LTBP1: variants seen among roughly 807,000 people sequenced by gnomAD.
The protein encoded by LTBP1 is latent-transforming growth factor beta-binding protein 1.
In LTBP1, 129 loss-of-function variants were observed where a neutral mutation model predicts 207.6. The observed-to-expected ratio is 0.62, with a 90% CI of 0.54 to 0.72. The LOEUF (loss-of-function observed/expected upper bound fraction) is 0.72, where lower values mean the gene tolerates loss of function less well. LTBP1 is among the 30% of genes least tolerant of loss of function. LTBP1 has a pLI of 0.00. For synonymous variants in LTBP1, 963 were observed against 833.7 expected, an observed-to-expected ratio of 1.16 and a Z score of -2.67; for missense variants, 2,281 against 2,217.2, an observed-to-expected ratio of 1.03 and a Z score of -0.58.
chr2:33,111,304 C>T (rs190926908), intron 4 of LTBP1, among the ~76,000 whole-genome samples: 1 of 152,264 alleles, frequency 6.6e-6, no homozygotes, highest in East Asian at 1.9e-4. Flanking sequence ...AAGGACAAGG[C>T]CTGGCTCAAA....
chr2:33,000,515 G>C (rs1157528386), intron 2 of LTBP1, among the ~76,000 whole-genome samples: 1 of 135,070 alleles, frequency 7.4e-6, no homozygotes, highest in Non-Finnish European at 1.6e-5. Context: ...TATGTAAACT[G>C]CATGCTGTTT....
chr2:33,194,714 A>C (rs2088339555), intron 7 of LTBP1, among the ~76,000 whole-genome samples: 1 of 152,212 alleles, frequency 6.6e-6, no homozygotes, highest in East Asian at 1.9e-4. Flanking sequence ...CTGATGTAGA[A>C]GCTGCAGCAA....
intron 9 of LTBP1, among the ~76,000 whole-genome samples, chr2:33,234,407 G>A (rs995069910): frequency 4.0e-5 from 6 of 151,886 alleles, no homozygotes; most frequent in African/African-American, 1.5e-4. Context: ...CTATAGACAC[G>A]AGCATTCCTA....
chr2:33,173,773 C>T (rs988629453), intron 5 of LTBP1, among the ~76,000 whole-genome samples: 5 of 140,752 alleles, frequency 3.6e-5, no homozygotes, highest in African/African-American at 1.0e-4. Flanking sequence ...ACTGGCAAAC[C>T]GAATCCAGCA....
chr2:33,069,214 A>G (rs1426841953), intron 3 of LTBP1, among the ~76,000 whole-genome samples: 4 of 152,130 alleles, frequency 2.6e-5, no homozygotes, highest in African/African-American at 9.7e-5. Context: ...GCCCCACTCA[A>G]AGCCAGACTT....
At chr2:33,139,003 C>T (rs1047265437) in intron 5 of LTBP1, among the ~76,000 whole-genome samples, 4 of 150,882 alleles carry the variant, frequency 2.7e-5, no homozygotes, top group East Asian at 1.9e-4. Flanking sequence ...GGACTACAGG[C>T]GCCCGCTACC....
At chr2:32,954,470 G>GTGTCT (rs1677718010) in intron 2 of LTBP1, among the ~76,000 whole-genome samples, 2 of 151,926 alleles carry the variant, frequency 1.3e-5, no homozygotes, top group South Asian at 4.2e-4. Context: ...ATTGTCTTGT[G>GTGTCT]TGTGTGTCTG....
At chr2:32,997,416 A>G (rs1410991674) in intron 2 of LTBP1, among the ~76,000 whole-genome samples, 2 of 152,202 alleles carry the variant, frequency 1.3e-5, no homozygotes, top group Non-Finnish European at 2.9e-5. Context: ...AGGCTGAGGC[A>G]GAGGATCACT....
At chr2:33,080,730 T>C (rs1446069988) in intron 3 of LTBP1, among the ~76,000 whole-genome samples, 1 of 152,210 alleles carries the variant, frequency 6.6e-6, no homozygotes, top group Non-Finnish European at 1.5e-5. Flanking sequence ...GAAAAAGTTA[T>C]ACTGGATGCA....
chr2:33,084,678 C>T (rs2078648944), intron 3 of LTBP1, among the ~76,000 whole-genome samples: 1 of 152,192 alleles, frequency 6.6e-6, no homozygotes, highest in African/African-American at 2.4e-5. Context: ...TAAAAAACTC[C>T]TGTGCGCAAA....
At chr2:33,361,745 C>T (rs2094929648) in intron 28 of LTBP1, among the ~76,000 whole-genome samples, 1 of 152,166 alleles carries the variant, frequency 6.6e-6, no homozygotes, top group African/African-American at 2.4e-5. Flanking sequence ...GTTTCTGTCT[C>T]TTCATCCCTG....
intron 3 of LTBP1, among the ~76,000 whole-genome samples, chr2:33,044,772 C>G (rs1374319831): frequency 6.6e-6 from 1 of 152,170 alleles, no homozygotes; most frequent in Non-Finnish European, 1.5e-5. Flanking sequence ...TCTCCAGCAC[C>G]TGTTGTTTCC....
In LTBP1 at chr2:33,212,152, T is replaced by C. The variant is rs949831801; in HGVS notation, c.1702-5400T>C. Reference sequence around the variant, plus strand: ...TAATGATTCTTGAACAGCCTTACCTTCTGCATCACAGTGTTCATACAGATG... The same window carrying C: ...TAATGATTCTTGAACAGCCTTACCTCCTGCATCACAGTGTTCATACAGATG... On this transcript the variant is annotated intron_variant, in intron 7 of 33. Coordinates refer to ENST00000404816, the MANE Select transcript of LTBP1 (RefSeq NM_206943.4). Among the ~76,000 whole-genome samples, 82 of 152,264 alleles carry C rather than the reference T, an allele frequency of 5.4e-4. 1 individual carries two copies. Among genetic ancestry groups the C allele is most frequent in the Non-Finnish European group, 8.2e-4 (56 of 68,052 alleles).
chr2:33,387,787 G>C (rs769231902), intron 31 of LTBP1, among the ~76,000 whole-genome samples: 3 of 150,282 alleles, frequency 2.0e-5, no homozygotes, highest in African/African-American at 4.9e-5. Flanking sequence ...GAAAATTCCA[G>C]GCAAACGTGG....
intron 2 of LTBP1, among the ~76,000 whole-genome samples, chr2:32,961,300 G>T (rs558755605): frequency 6.6e-6 from 1 of 152,334 alleles, no homozygotes; most frequent in East Asian, 1.9e-4. Flanking sequence ...TCAGCAGGGA[G>T]CTGCGAGGCT....
intron 2 of LTBP1, among the ~76,000 whole-genome samples, chr2:32,963,904 C>G (rs1018784461): frequency 2.6e-5 from 4 of 152,138 alleles, no homozygotes; most frequent in Admixed American, 6.5e-5. Flanking sequence ...TACAAGATAT[C>G]AAAAGCGAAG....
At chr2:33,069,089 G>A (rs992807320) in intron 3 of LTBP1, among the ~76,000 whole-genome samples, 6 of 152,180 alleles carry the variant, frequency 3.9e-5, no homozygotes, top group African/African-American at 9.7e-5. Flanking sequence ...CTTACTTAAA[G>A]TTTACTCTTG....
Position 33,020,917 on chromosome 2 carries a change from G to C in LTBP1, c.574G>C (p.Val192Leu). The change falls in exon 3 of 34, where the codon GTT (valine) becomes CTT (leucine). Residue 192 changes from valine (V) to leucine (L), a missense_variant. Val to Leu is a conservative substitution (Grantham distance 32). Around this residue, in one of 3 missense-constraint regions of LTBP1, gnomAD observed 555 missense variants for 491.0 expected, o/e 1.13. Transcript: ENST00000404816. The stretch of plus-strand genomic sequence containing the variant: ...CTGTTTTCTTTCTGCAGCTAGCTGT[G>C]TTCCGCCATGTCAGAATGGAGGGAT... ...GSQRCTKPSC[V>L]PPCQNGGMCL... is the part of the protein sequence containing the mutation. The C allele has an allele frequency of 2.5e-6, 4 of 1,582,840 alleles. No homozygotes were observed. The highest frequency in any genetic ancestry group is 3.5e-6 in the Non-Finnish European group (4 of 1,158,352).
intron 18 of LTBP1, among the ~76,000 whole-genome samples, chr2:33,277,819 T>TTC (rs1174472323): frequency 2.8e-4 from 24 of 86,848 alleles, no homozygotes; most frequent in African/African-American, 1.0e-3. Flanking sequence ...CTTTTTTTCT[T>TTC]TCTTTCTTTC....
Sources: allele counts gnomAD v4.1 joint callset (sites outside exome capture counted in the v4.1 genomes callset), GRCh38; gene constraint gnomAD v4.1.1; regional missense constraint gnomAD v4.1.1; transcripts MANE v1.5; gene names NCBI Gene and HGNC (gene_info 2026-07-23, HGNC 2026-07-21).